POT1: variants seen among roughly 807,000 people sequenced by gnomAD.
POT1 encodes the protein protection of telomeres protein 1.
Under a neutral mutation model 78.5 loss-of-function variants are expected in POT1, and 47 were observed. The ratio of observed to expected loss-of-function variants is 0.60; its 90% CI spans 0.47 to 0.76. The LOEUF (loss-of-function observed/expected upper bound fraction) is 0.76. Among genes scored for constraint, POT1 ranks in the 30% least tolerant of loss-of-function variants. The probability of loss-of-function intolerance (pLI) is 0.00; values close to 1 mark genes in which losing one functional copy is unlikely to be tolerated. For synonymous variants in POT1, 259 were observed against 260.7 expected, an observed-to-expected ratio of 0.99 and a Z score of 0.06; for missense variants, 646 against 749.9, an observed-to-expected ratio of 0.86 and a Z score of 1.62.
chr7:124,890,929 G>C (rs1023772789), intron 6 of POT1, among the ~76,000 whole-genome samples: 2 of 151,802 alleles, frequency 1.3e-5, no homozygotes, highest in Non-Finnish European at 2.9e-5. Context: ...GACCTAACGA[G>C]TTATGTATAC....
intron 12 of POT1, among the ~76,000 whole-genome samples, chr7:124,846,605 G>A (rs969041348): frequency 6.6e-6 from 1 of 151,780 alleles, no homozygotes; most frequent in Non-Finnish European, 1.5e-5. Context: ...TTAAAGATAT[G>A]TGTCTTTACA....
chr7:124,882,782 GTA>G (rs1796148557), intron 6 of POT1, among the ~76,000 whole-genome samples: 3 of 151,982 alleles, frequency 2.0e-5, no homozygotes, highest in African/African-American at 7.2e-5. Context: ...CTCTAAATTA[GTA>G]TGCTAATAAT....
chr7:124,824,502 A>G (rs1330611292), intron 18 of POT1, among the ~76,000 whole-genome samples: 2 of 151,980 alleles, frequency 1.3e-5, no homozygotes, highest in Non-Finnish European at 2.9e-5. Flanking sequence ...AAACTTGGTT[A>G]GAGATCAACA....
chr7:124,897,082 G>A, intron 5 of POT1, 83 bp downstream of exon 5: 1 of 791,962 alleles, frequency 1.3e-6, no homozygotes, highest in Non-Finnish European at 1.9e-6. Context: ...AAAGTGGACT[G>A]AATATACATA....
chr7:124,823,633 C>A lies in POT1; in HGVS notation c.*329G>T. On this transcript the variant is annotated 3_prime_UTR_variant, in exon 19 of 19. Coordinates refer to ENST00000357628, the MANE Select transcript of POT1 (RefSeq NM_015450.3). ...TACAAGTTTAAAGAAATGAATTTAT[C>A]CTAAAATCATCAGTATCAGCACCCC... The A allele has an allele frequency of 4.8e-6, 1 of 209,442 alleles. No individual in the cohort carries two copies. The highest frequency in any genetic ancestry group is 9.4e-6 in the Non-Finnish European group (1 of 106,516). 13.0% of individuals were successfully genotyped at this position (209,442 alleles called of 1,614,324 possible). A position where few individuals can be genotyped will look rare whatever the true frequency, so the allele number is the denominator to read the frequency against.
intron 6 of POT1, among the ~76,000 whole-genome samples, chr7:124,881,992 T>C (rs1796130042): frequency 6.6e-6 from 1 of 152,126 alleles, no homozygotes; most frequent in East Asian, 1.9e-4. Context: ...ATAATTCACA[T>C]AGCTTGATAT....
At chr7:124,926,518 TATA>T (rs1162858584) in intron 2 of POT1, among the ~76,000 whole-genome samples, 1 of 152,146 alleles carries the variant, frequency 6.6e-6, no homozygotes, top group Non-Finnish European at 1.5e-5. Context: ...TGGAAAACAG[TATA>T]ATGAGTTTTC....
chr7:124,914,559 G>C (rs1366568716), intron 3 of POT1, among the ~76,000 whole-genome samples: 1 of 152,146 alleles, frequency 6.6e-6, no homozygotes, highest in African/African-American at 2.4e-5. Flanking sequence ...CCCTGTATCT[G>C]CAAGTTTTGC....
chr7:124,838,878 T>C (rs1218099773), intron 14 of POT1, among the ~76,000 whole-genome samples: 1 of 152,178 alleles, frequency 6.6e-6, no homozygotes, highest in Non-Finnish European at 1.5e-5. Flanking sequence ...GTGCTAAGAT[T>C]ACCAGAGTGA....
At chr7:124,864,660 C>CTGA (rs1795677914) in intron 7 of POT1, among the ~76,000 whole-genome samples, 1 of 152,084 alleles carries the variant, frequency 6.6e-6, no homozygotes, top group South Asian at 2.1e-4. Flanking sequence ...TTCTACTTTC[C>CTGA]ATTTCATACT....
intron 15 of POT1, among the ~76,000 whole-genome samples, chr7:124,834,890 C>T (rs555106207): frequency 3.3e-5 from 5 of 152,220 alleles, no homozygotes; most frequent in African/African-American, 7.2e-5. Flanking sequence ...GTGGCACATA[C>T]GCACCATGGA....
At chr7:124,923,949 T>A (rs559045019) in intron 2 of POT1, among the ~76,000 whole-genome samples, 2 of 151,276 alleles carry the variant, frequency 1.3e-5, no homozygotes, top group African/African-American at 4.8e-5. Flanking sequence ...CCTGCCAGAA[T>A]AAGCTTAATA....
chr7:124,923,739 T>G (rs950159309), intron 2 of POT1, among the ~76,000 whole-genome samples: 2 of 150,534 alleles, frequency 1.3e-5, no homozygotes, highest in African/African-American at 4.9e-5. Flanking sequence ...TCAGAATGTG[T>G]AAAGTCAAAG....
intron 7 of POT1, among the ~76,000 whole-genome samples, chr7:124,870,706 A>G (rs1488471824): frequency 2.6e-5 from 4 of 152,158 alleles, no homozygotes; most frequent in African/African-American, 9.6e-5. Flanking sequence ...ATTTCTGGGG[A>G]ATGAAAGCAG....
chr7:124,856,128 C>T (rs1049753996), intron 9 of POT1, among the ~76,000 whole-genome samples: 5 of 152,026 alleles, frequency 3.3e-5, no homozygotes, highest in African/African-American at 1.2e-4. Context: ...AAAATAAAAA[C>T]ACATTTTTTC....
rs1378300353 is a variant in POT1 at position 124,829,732 on chromosome 7, A to ATATC, written c.1506-391_1506-390insGATA. 2.4e-3 allele frequency among the ~76,000 whole-genome samples: 280 copies of ATATC among 117,034 alleles called. 1 individual carries two copies. The highest frequency in any genetic ancestry group is 0.013 in the Middle Eastern group (3 of 234). 76.8% of individuals were successfully genotyped at this position (117,034 alleles called of 152,430 possible). A position where few individuals can be genotyped will look rare whatever the true frequency, so the allele number is the denominator to read the frequency against. ...TCTATATCTATATCTATATCTATAT[A>ATATC]TATATATTTTTTAAGACAAGGTCTC... On this transcript the variant is annotated intron_variant, in intron 15 of 18. Coordinates refer to ENST00000357628, the MANE Select transcript of POT1 (RefSeq NM_015450.3).
At chr7:124,846,578 ACT>A (rs2116482005) in intron 12 of POT1, among the ~76,000 whole-genome samples, 1 of 152,114 alleles carries the variant, frequency 6.6e-6, no homozygotes, top group Admixed American at 6.5e-5. Context: ...TGACAGGATA[ACT>A]CTTCATGTAA....
chr7:124,822,964 C>T lies in POT1; in HGVS notation c.*998G>A, dbSNP rs530211997. 2.3e-3 allele frequency: 380 copies of T among 166,000 alleles called. 1 individual carries two copies. The highest frequency in any genetic ancestry group is 3.8e-3 in the Non-Finnish European group (288 of 74,852). 10.3% of individuals were successfully genotyped at this position (166,000 alleles called of 1,614,324 possible). A position where few individuals can be genotyped will look rare whatever the true frequency, so the allele number is the denominator to read the frequency against. On this transcript the variant is annotated 3_prime_UTR_variant, in exon 19 of 19. Coordinates refer to ENST00000357628, the MANE Select transcript of POT1 (RefSeq NM_015450.3). Reference sequence around the variant, plus strand: ...TTGCAGAAAACTGTTAGCTTCTGTTCCAGAATCCTTGAGTGGTTAACAGTA... The same window carrying T: ...TTGCAGAAAACTGTTAGCTTCTGTTTCAGAATCCTTGAGTGGTTAACAGTA...
At chr7:124,851,511 G>A (rs910683980) in intron 11 of POT1, among the ~76,000 whole-genome samples, 2 of 152,148 alleles carry the variant, frequency 1.3e-5, no homozygotes, top group African/African-American at 4.8e-5. Context: ...ACATAACTAT[G>A]AGCAAAAAGT....
Sources: gnomAD v4.1 joint callset for allele counts (sites outside exome capture counted in the v4.1 genomes callset) on GRCh38, gnomAD v4.1.1 for gene constraint, MANE v1.5 for transcripts, NCBI Gene and HGNC (gene_info 2026-07-23, HGNC 2026-07-21) for gene names.